PPARG: variants seen among roughly 807,000 people sequenced by gnomAD.
The protein encoded by PPARG is peroxisome proliferator-activated receptor gamma.
PPARG carries 17 observed loss-of-function variants against 39.2 expected under a neutral mutation model. The observed-to-expected ratio is 0.43, with a 90% CI of 0.30 to 0.65. The LOEUF is 0.65. PPARG is among the 30% of genes least tolerant of loss of function. The pLI is 0.13. For synonymous variants in PPARG, 223 were observed against 215.7 expected (o/e 1.03, Z -0.30); for missense variants, 406 against 585.9 (o/e 0.69, Z 3.17).
chr3:12,375,159 G>A (rs2049362371), intron 2 of PPARG, among the ~76,000 whole-genome samples: 1 of 152,110 alleles, frequency 6.6e-6, no homozygotes, highest in Non-Finnish European at 1.5e-5. Context: ...GGCTGAGCCA[G>A]GAGGACCACT....
chr3:12,400,363 G>T (rs2125237784), intron 5 of PPARG, among the ~76,000 whole-genome samples: 1 of 152,272 alleles, frequency 6.6e-6, no homozygotes, highest in East Asian at 1.9e-4. Context: ...ACTATTCCAT[G>T]TGCTTGGTGT....
chr3:12,305,223 TG>T (rs2047029399), intron 1 of PPARG, among the ~76,000 whole-genome samples: 1 of 152,206 alleles, frequency 6.6e-6, no homozygotes, highest in Non-Finnish European at 1.5e-5. Flanking sequence ...TGCCTTTGGT[TG>T]TCTCTGAGTG....
intron 2 of PPARG, among the ~76,000 whole-genome samples, chr3:12,337,448 G>T (rs1051221217): frequency 2.6e-5 from 4 of 152,144 alleles, no homozygotes; most frequent in Admixed American, 6.6e-5. Context: ...CTATGCAAAG[G>T]TTAGGCTGAT....
At chr3:12,361,595 A>G (rs1309156505) in intron 2 of PPARG, among the ~76,000 whole-genome samples, 1 of 152,258 alleles carries the variant, frequency 6.6e-6, no homozygotes, top group East Asian at 1.9e-4. Context: ...TATTGAAAAG[A>G]TCATCCTTTG....
chr3:12,403,280 G>A (rs574400314), intron 5 of PPARG, among the ~76,000 whole-genome samples: 12 of 127,184 alleles, frequency 9.4e-5, no homozygotes, highest in East Asian at 2.2e-4. Flanking sequence ...GTGACAGAAC[G>A]AGACCCTGTC....
chr3:12,305,087 T>G (rs1211407185), intron 1 of PPARG, among the ~76,000 whole-genome samples: 1 of 152,004 alleles, frequency 6.6e-6, no homozygotes, highest in African/African-American at 2.4e-5. Context: ...TCTTGTTCCC[T>G]CTACCCTTCT....
intron 2 of PPARG, chr3:12,351,623 G>T (rs765473307): frequency 1.2e-6 from 2 of 1,611,228 alleles, no homozygotes; most frequent in Non-Finnish European, 1.7e-6. Flanking sequence ...TTCTCCTATT[G>T]ACCCAGAAAG....
chr3:12,302,225 G>C (rs1013220457), intron 1 of PPARG, among the ~76,000 whole-genome samples: 1 of 152,064 alleles, frequency 6.6e-6, no homozygotes, highest in Admixed American at 6.6e-5. Flanking sequence ...ATAGCCTCAC[G>C]AAAAATACTA....
intron 2 of PPARG, among the ~76,000 whole-genome samples, chr3:12,363,487 G>T (rs1173280718): frequency 1.4e-5 from 1 of 72,756 alleles, no homozygotes; most frequent in Non-Finnish European, 2.6e-5. Context: ...AGAGCATAGA[G>T]TGTCACATGG....
intron 1 of PPARG, among the ~76,000 whole-genome samples, chr3:12,293,757 T>G (rs183978028): frequency 4.6e-5 from 7 of 152,324 alleles, no homozygotes; most frequent in African/African-American, 1.7e-4. Context: ...AAGAGGTTAC[T>G]TTTTCATCCT....
intron 7 of PPARG, among the ~76,000 whole-genome samples, chr3:12,419,583 C>G (rs2125292608): frequency 6.6e-6 from 1 of 152,160 alleles, no homozygotes; most frequent in East Asian, 1.9e-4. Context: ...ACTCTCCTGC[C>G]TCAGCCTCCC....
intron 5 of PPARG, among the ~76,000 whole-genome samples, chr3:12,397,701 C>T (rs1253262216): frequency 1.3e-5 from 2 of 152,040 alleles, no homozygotes; most frequent in Non-Finnish European, 2.9e-5. Context: ...TGAGCCACCG[C>T]GTCTGGCTAA....
chr3:12,360,360 C>T (rs2048803473), intron 2 of PPARG, among the ~76,000 whole-genome samples: 1 of 152,042 alleles, frequency 6.6e-6, no homozygotes, highest in South Asian at 2.1e-4. Context: ...AGTGAATGTC[C>T]TAAAATTCTA....
intron 2 of PPARG, among the ~76,000 whole-genome samples, chr3:12,355,589 T>G (rs1170954967): frequency 1.3e-5 from 2 of 152,208 alleles, no homozygotes; most frequent in Non-Finnish European, 2.9e-5. Flanking sequence ...CACCAGTACT[T>G]GGCAGATTTT....
chr3:12,366,590 T>A (rs4135311), intron 2 of PPARG, among the ~76,000 whole-genome samples: 4,432 of 152,226 alleles, frequency 0.029, 204 homozygotes, highest in African/African-American at 0.1. Flanking sequence ...TGTTTGTAGA[T>A]GTTCCTAAGT....
In PPARG at chr3:12,324,038, A is replaced by G. The variant is rs1485240702; in HGVS notation, c.-9+11585A>G. ...AACATTAAGTAATCCCAGCACTTTG[A>G]GAGGCTAAAGCGTGTGAATCACCTG... On this transcript the variant is annotated intron_variant, in intron 2 of 7. Coordinates refer to ENST00000651735, the MANE Select transcript of PPARG (RefSeq NM_138711.6). Among the ~76,000 whole-genome samples the G allele has an allele frequency of 8.9e-4, 136 of 152,066 alleles. 1 individual carries two copies. Among genetic ancestry groups the G allele is most frequent in the African/African-American group, 3.2e-3 (134 of 41,402 alleles).
intron 1 of PPARG, among the ~76,000 whole-genome samples, chr3:12,295,656 G>A (rs571034223): frequency 7.2e-5 from 11 of 151,934 alleles, no homozygotes; most frequent in Admixed American, 1.3e-4. Flanking sequence ...TGGGATTACA[G>A]GCGCCCACCA....
chr3:12,290,980 T>TG (rs1372666519), intron 1 of PPARG, among the ~76,000 whole-genome samples: 1 of 152,210 alleles, frequency 6.6e-6, no homozygotes, highest in Non-Finnish European at 1.5e-5. Context: ...AGGACAGAGT[T>TG]GGTCATTCTA....
intron 2 of PPARG, among the ~76,000 whole-genome samples, chr3:12,330,498 C>A (rs570074329): frequency 3.3e-5 from 5 of 151,924 alleles, no homozygotes; most frequent in Non-Finnish European, 5.9e-5. Flanking sequence ...TGCCTTTTGC[C>A]TTTCTATTCT....
Sources: gnomAD v4.1 joint callset for allele counts (sites outside exome capture counted in the v4.1 genomes callset) on GRCh38, gnomAD v4.1.1 for gene constraint, MANE v1.5 for transcripts, NCBI Gene and HGNC (gene_info 2026-07-23, HGNC 2026-07-21) for gene names.